Variants in EFNA5 observed in about 807,000 individuals in gnomAD.
The protein encoded by EFNA5 is ephrin A5, also known as ephrin-A5.
A neutral mutation model predicts 22.9 loss-of-function variants in EFNA5; 5 were observed. That is an observed-to-expected ratio of 0.22 (90% confidence interval 0.11 to 0.46). The LOEUF is 0.46. Ranked by LOEUF, EFNA5 falls within the 20% of genes least tolerant of loss-of-function variation. EFNA5 has a pLI of 0.99. For missense variants in EFNA5, 237 were observed against 293.3 expected, an observed-to-expected ratio of 0.81 and a Z score of 1.40; for synonymous variants, 113 against 112.2, an observed-to-expected ratio of 1.01 and a Z score of -0.04.
chr5:107,380,421 C>G lies in EFNA5; in HGVS notation c.*834G>C, dbSNP rs1747411877. 8.3e-6 allele frequency: 1 copy of G among 120,744 alleles called. No homozygotes were observed. 7.5% of individuals were successfully genotyped at this position (120,744 alleles called of 1,614,324 possible). On this transcript the variant is annotated 3_prime_UTR_variant, in exon 5 of 5. Transcript: ENST00000333274. Reference sequence around the variant, plus strand: ...AAAAAAAAAAAAAAAAGTTGTAGCACCATGGTGATCTGTATTCAAAGAAAA... The same window carrying G: ...AAAAAAAAAAAAAAAAGTTGTAGCAGCATGGTGATCTGTATTCAAAGAAAA...
At position 107,490,659 on chromosome 5, in the gene EFNA5, G is replaced by A. The variant is rs137969193; in HGVS notation, c.126-63150C>T. Among the ~76,000 whole-genome samples the A allele has an allele frequency of 2.6e-5, 4 of 152,262 alleles. No individual in the cohort carries two copies. In the East Asian group the frequency reaches 5.8e-4, roughly 22 times the overall value. On this transcript the variant is annotated intron_variant, in intron 1 of 4. Coordinates refer to ENST00000333274, the MANE Select transcript of EFNA5 (RefSeq NM_001962.3). ...CCAACATGAGAGTTCCTTTGGCAGGGAACATTAACCGCTGACTTATGCTTG... is the reference window on the plus strand; with the variant it reads ...CCAACATGAGAGTTCCTTTGGCAGGAAACATTAACCGCTGACTTATGCTTG...
At chr5:107,474,826 C>A (rs1031798442) in intron 1 of EFNA5, among the ~76,000 whole-genome samples, 1 of 152,172 alleles carries the variant, frequency 6.6e-6, no homozygotes, top group African/African-American at 2.4e-5. Flanking sequence ...TCTAAGACAA[C>A]ATAAATGAAT....
At chr5:107,633,431 C>T (rs1042893423) in intron 1 of EFNA5, among the ~76,000 whole-genome samples, 1 of 152,344 alleles carries the variant, frequency 6.6e-6, no homozygotes. Flanking sequence ...CTGAGGCATC[C>T]TGGCGGTAGC....
At chr5:107,563,556 C>A (rs1337208327) in intron 1 of EFNA5, among the ~76,000 whole-genome samples, 1 of 138,336 alleles carries the variant, frequency 7.2e-6, no homozygotes, top group African/African-American at 2.5e-5. Context: ...TCTGCCTCAG[C>A]CTCCTAAGTA....
At chr5:107,616,034 A>T (rs1002855088) in intron 1 of EFNA5, among the ~76,000 whole-genome samples, 1 of 152,232 alleles carries the variant, frequency 6.6e-6, no homozygotes, top group African/African-American at 2.4e-5. Context: ...AGGGGGTTAG[A>T]GAGACAGAAA....
chr5:107,418,536 T>C (rs142128355), intron 2 of EFNA5, among the ~76,000 whole-genome samples: 1 of 152,326 alleles, frequency 6.6e-6, no homozygotes, highest in Non-Finnish European at 1.5e-5. Context: ...GGTGACATAA[T>C]TCCTCCTTTT....
At chr5:107,424,384 T>A (rs1340613153) in intron 2 of EFNA5, among the ~76,000 whole-genome samples, 3 of 148,324 alleles carry the variant, frequency 2.0e-5, no homozygotes, top group African/African-American at 7.4e-5. Flanking sequence ...TTTTTGTATT[T>A]TTTTTTTTTT....
At position 107,670,653 on chromosome 5, in the gene EFNA5, G is replaced by C. The variant is rs754874895; in HGVS notation, c.-40C>G. ...GGCGGAGCCCCCGACGCGCCACTCC[G>C]GGGAGAGAGCGGGGATCCGGAGGGA... On this transcript the variant is annotated 5_prime_UTR_variant, in exon 1 of 5. Coordinates refer to ENST00000333274, the MANE Select transcript of EFNA5 (RefSeq NM_001962.3). 1 of 1,589,728 alleles carries C rather than the reference G, an allele frequency of 6.3e-7. No homozygotes were observed. Among genetic ancestry groups the C allele is most frequent in the East Asian group, 2.3e-5 (1 of 42,970 alleles).
intron 1 of EFNA5, among the ~76,000 whole-genome samples, chr5:107,596,052 A>T (rs1357240451): frequency 6.6e-6 from 1 of 152,234 alleles, no homozygotes; most frequent in Non-Finnish European, 1.5e-5. Flanking sequence ...ATAGAAAAAT[A>T]AAATTCAATG....
At chr5:107,466,945 T>C (rs971114687) in intron 1 of EFNA5, among the ~76,000 whole-genome samples, 1 of 151,988 alleles carries the variant, frequency 6.6e-6, no homozygotes, top group Non-Finnish European at 1.5e-5. Context: ...AGGTTTGTCT[T>C]AAGTATTTCT....
intron 1 of EFNA5, among the ~76,000 whole-genome samples, chr5:107,453,857 A>G (rs926849725): frequency 1.3e-5 from 2 of 152,124 alleles, no homozygotes; most frequent in Non-Finnish European, 2.9e-5. Context: ...TAACCTGACT[A>G]ATTGTCTCCC....
chr5:107,639,372 C>T (rs371289454), intron 1 of EFNA5, among the ~76,000 whole-genome samples: 17 of 152,210 alleles, frequency 1.1e-4, no homozygotes, highest in African/African-American at 3.6e-4. Context: ...GAACCAACTT[C>T]CACGGTTCAT....
intron 1 of EFNA5, among the ~76,000 whole-genome samples, chr5:107,486,397 A>C (rs1257649943): frequency 6.6e-6 from 1 of 152,238 alleles, no homozygotes; most frequent in Non-Finnish European, 1.5e-5. Context: ...TAGAGAAACA[A>C]GACACACCCA....
intron 1 of EFNA5, among the ~76,000 whole-genome samples, chr5:107,436,958 T>A (rs1749126781): frequency 6.6e-6 from 1 of 152,220 alleles, no homozygotes; most frequent in Non-Finnish European, 1.5e-5. Context: ...ATCTCCTTTT[T>A]ATTGACCAAC....
At chr5:107,436,709 C>G (rs1033103467) in intron 1 of EFNA5, among the ~76,000 whole-genome samples, 3 of 152,082 alleles carry the variant, frequency 2.0e-5, no homozygotes, top group African/African-American at 4.8e-5. Context: ...CAAAAGGAGA[C>G]ACAGGCAACC....
At chr5:107,476,056 A>ATATATATATATATGTATATATATATATT (rs1454967869) in intron 1 of EFNA5, among the ~76,000 whole-genome samples, 1 of 115,412 alleles carries the variant, frequency 8.7e-6, no homozygotes, top group Admixed American at 8.7e-5. Context: ...CTATATATAT[A>ATATATATATATATGTATATATATATATT]TTTTTTTTTT....
intron 1 of EFNA5, among the ~76,000 whole-genome samples, chr5:107,647,417 AT>A (rs1200994978): frequency 6.6e-6 from 1 of 152,192 alleles, no homozygotes; most frequent in Non-Finnish European, 1.5e-5. Context: ...ATGAGCTCTT[AT>A]TTTATGAATA....
At chr5:107,670,030 TAAAA>T (rs67814628) in intron 1 of EFNA5, among the ~76,000 whole-genome samples, 38,313 of 116,766 alleles carry the variant, frequency 0.33, 6,118 homozygotes, top group East Asian at 0.55. Context: ...AAATTAAAAT[TAAAA>T]AAAAAAAAAA....
chr5:107,407,923 T>C (rs1748265876), intron 2 of EFNA5, among the ~76,000 whole-genome samples: 1 of 152,198 alleles, frequency 6.6e-6, no homozygotes, highest in Non-Finnish European at 1.5e-5. Context: ...TCAATTAAGA[T>C]ATTACTCCTG....
Sources: allele counts gnomAD v4.1 joint callset (sites outside exome capture counted in the v4.1 genomes callset), GRCh38; gene constraint gnomAD v4.1.1; transcripts MANE v1.5; gene names NCBI Gene and HGNC (gene_info 2026-07-23, HGNC 2026-07-21).